SRD5A2: variants seen among roughly 807,000 people sequenced by gnomAD.
The protein encoded by SRD5A2 is steroid 5 alpha-reductase 2, also known as 3-oxo-5-alpha-steroid 4-dehydrogenase 2.
Under a neutral mutation model 27.4 loss-of-function variants are expected in SRD5A2, and 30 were observed. That is an observed-to-expected ratio of 1.10 (90% confidence interval 0.82 to 1.49). SRD5A2 has a LOEUF of 1.49. SRD5A2 is among the 40% of genes most tolerant of loss of function. The probability of loss-of-function intolerance (pLI) is 0.00; values close to 1 mark genes in which losing one functional copy is unlikely to be tolerated. For synonymous variants in SRD5A2, 141 were observed against 133.6 expected, an observed-to-expected ratio of 1.06 and a Z score of -0.38; for missense variants, 348 against 323.4, an observed-to-expected ratio of 1.08 and a Z score of -0.58.
chr2:31,523,688 T>C lies in SRD5A2; in HGVS notation c.*2508A>G. 4.5e-6 allele frequency: 1 copy of C among 221,524 alleles called. No individual in the cohort carries two copies. The highest frequency in any genetic ancestry group is 6.6e-5 in the East Asian group (1 of 15,102). The allele number at this position is 221,524 out of a possible 1,614,324, so 13.7% of individuals were successfully genotyped here. A position where few individuals can be genotyped will look rare whatever the true frequency, so the allele number is the denominator to read the frequency against. On this transcript the variant is annotated 3_prime_UTR_variant, in exon 5 of 5. Coordinates refer to ENST00000622030, the MANE Select transcript of SRD5A2 (RefSeq NM_000348.4). ...TCTTGTGAGCTAGGACACTGTTAGA[T>C]TATTTTAGCCAAAAAACAGTCCATG...
At chr2:31,622,196 C>T in the SRD5A2 span, among the ~76,000 whole-genome samples, 2 of 152,070 alleles carry the variant, frequency 1.3e-5, no homozygotes, top group Non-Finnish European at 2.9e-5. Flanking sequence ...ATTCAGCTCC[C>T]ACTTATAAGT....
the SRD5A2 span, among the ~76,000 whole-genome samples, chr2:31,620,015 G>T: frequency 3.9e-5 from 6 of 151,984 alleles, no homozygotes; most frequent in Non-Finnish European, 8.8e-5. Flanking sequence ...ATCTTTGTCA[G>T]TGCCTATGTC....
chr2:31,529,404 A>G lies in SRD5A2; in HGVS notation c.601T>C (p.Trp201Arg). The change falls in exon 4 of 5, where the codon TGG (tryptophan) becomes CGG (arginine). Residue 201 changes from tryptophan (W) to arginine (R), a missense_variant. Coordinates refer to ENST00000622030, the MANE Select transcript of SRD5A2 (RefSeq NM_000348.4). ...CAAGTGGCCAGGGCATAGCCGATCC[A>G]TTCAATGATCTCACCGAGGAAATTG... The part of the protein sequence containing the change: ...GANFLGEIIE[W>R]IGYALATWSL... 1 of 1,613,978 alleles carries G rather than the reference A, an allele frequency of 6.2e-7. No individual in the cohort carries two copies.
the SRD5A2 span, among the ~76,000 whole-genome samples, chr2:31,648,533 C>T: frequency 6.6e-6 from 1 of 152,214 alleles, no homozygotes; most frequent in Non-Finnish European, 1.5e-5. Context: ...CAGGCCACAT[C>T]AAAGGCAATG....
chr2:31,640,127 A>G, the SRD5A2 span, among the ~76,000 whole-genome samples: 1 of 148,956 alleles, frequency 6.7e-6, no homozygotes, highest in Non-Finnish European at 1.5e-5. Context: ...TCATTTTGCT[A>G]TTTAGAGCCT....
chr2:31,660,470 G>C, the SRD5A2 span, among the ~76,000 whole-genome samples: 2 of 152,020 alleles, frequency 1.3e-5, no homozygotes, highest in Non-Finnish European at 1.5e-5. Context: ...TTATACATTT[G>C]TCCAAACCCA....
chr2:31,558,976 G>A (rs1033916842), intron 1 of SRD5A2, among the ~76,000 whole-genome samples: 10 of 152,164 alleles, frequency 6.6e-5, no homozygotes, highest in African/African-American at 2.4e-4. Context: ...CATAGTCTAA[G>A]GTTCTAGAGA....
chr2:31,625,242 T>C, the SRD5A2 span, among the ~76,000 whole-genome samples: 1 of 152,350 alleles, frequency 6.6e-6, no homozygotes, highest in East Asian at 1.9e-4. Context: ...TTAAGTTCTT[T>C]GTAGATTCTG....
At chr2:31,577,414 T>C (rs1388450847) in intron 1 of SRD5A2, among the ~76,000 whole-genome samples, 2 of 152,148 alleles carry the variant, frequency 1.3e-5, no homozygotes, top group Non-Finnish European at 2.9e-5. Flanking sequence ...GTAGAGTTCA[T>C]TCATGCATTC....
chr2:31,536,612 T>G (rs28383031), intron 1 of SRD5A2, among the ~76,000 whole-genome samples: 2 of 152,202 alleles, frequency 1.3e-5, no homozygotes, highest in African/African-American at 4.8e-5. Flanking sequence ...ACAGAAGACT[T>G]TGGAGAACTA....
the SRD5A2 span, among the ~76,000 whole-genome samples, chr2:31,592,553 G>C: frequency 6.6e-5 from 10 of 152,164 alleles, no homozygotes; most frequent in African/African-American, 2.2e-4. Context: ...TTCAGCACCA[G>C]CCCAGAGCCC....
intron 2 of SRD5A2, 60 bp downstream of exon 2, chr2:31,533,543 G>A (rs762271138): frequency 2.0e-6 from 3 of 1,490,080 alleles, no homozygotes; most frequent in South Asian, 1.2e-5. Context: ...CCATGGCGAT[G>A]TAGATTGTGG....
intron 1 of SRD5A2, among the ~76,000 whole-genome samples, chr2:31,556,538 T>C (rs1024012340): frequency 1.2e-4 from 18 of 151,956 alleles, no homozygotes; most frequent in Non-Finnish European, 8.8e-5. Context: ...ATACAAGAAA[T>C]ACCAGGAGAA....
At chr2:31,554,552 A>T (rs547791616) in intron 1 of SRD5A2, among the ~76,000 whole-genome samples, 2 of 152,182 alleles carry the variant, frequency 1.3e-5, no homozygotes, top group East Asian at 1.9e-4. Flanking sequence ...CCTAAAACAA[A>T]TGTGGAAAAA....
At chr2:31,578,835 G>C (rs921824738) in intron 1 of SRD5A2, among the ~76,000 whole-genome samples, 2 of 151,918 alleles carry the variant, frequency 1.3e-5, no homozygotes, top group Non-Finnish European at 2.9e-5. Context: ...AGTGCCTTTT[G>C]ATTTCAAAAA....
At chr2:31,625,315 G>A in the SRD5A2 span, among the ~76,000 whole-genome samples, 3 of 152,164 alleles carry the variant, frequency 2.0e-5, no homozygotes, top group Admixed American at 6.5e-5. Flanking sequence ...TAGGTTGCCT[G>A]TCCACTCTGA....
intron 1 of SRD5A2, among the ~76,000 whole-genome samples, chr2:31,545,453 G>A (rs545642912): frequency 2.4e-4 from 36 of 152,044 alleles, no homozygotes; most frequent in African/African-American, 5.1e-4. Context: ...AATCCATAGC[G>A]TTGTCAGGCT....
At chr2:31,559,838 ACACACACACACAC>A (rs1558368829) in intron 1 of SRD5A2, among the ~76,000 whole-genome samples, 92 of 146,202 alleles carry the variant, frequency 6.3e-4, no homozygotes, top group Non-Finnish European at 1.1e-3. Flanking sequence ...AAACAAACCC[ACACACACACACAC>A]ACACACACAC....
intron 1 of SRD5A2, among the ~76,000 whole-genome samples, chr2:31,547,100 AAAAAT>A (rs377001186): frequency 2.0e-5 from 3 of 151,982 alleles, no homozygotes; most frequent in South Asian, 2.1e-4. Flanking sequence ...CTCCATCTCA[AAAAAT>A]AAAATAAAAT....
Sources: gnomAD v4.1 joint callset for allele counts (sites outside exome capture counted in the v4.1 genomes callset) on GRCh38, gnomAD v4.1.1 for gene constraint, MANE v1.5 for transcripts, NCBI Gene and HGNC (gene_info 2026-07-23, HGNC 2026-07-21) for gene names.